The following CASK variants were observed in gnomAD, a reference collection of about 807,000 sequenced individuals.
CASK encodes peripheral plasma membrane protein CASK.
A neutral mutation model predicts 82.9 loss-of-function variants in CASK; 4 were observed. The ratio of observed to expected loss-of-function variants is 0.05; its 90% confidence interval spans 0.02 to 0.11. The LOEUF is 0.11. Ranked by LOEUF, CASK falls within the 10% of genes least tolerant of loss-of-function variation. The probability of loss-of-function intolerance (pLI) is 1.00; values close to 1 mark genes in which losing one functional copy is unlikely to be tolerated. For synonymous variants in CASK, 259 were observed against 253.5 expected (o/e 1.02, Z -0.20); for missense variants, 358 against 720.9 (o/e 0.50, Z 5.76).
At chrX:41,690,410 G>C (rs2067524090) in intron 5 of CASK, among the ~76,000 whole-genome samples, 1 of 110,342 alleles carries the variant, frequency 9.1e-6, no homozygotes, top group African/African-American at 3.3e-5. Context: ...ACAGTGGCAT[G>C]AACACAGCTC....
At chrX:41,539,135 C>T (rs1324018174) in intron 22 of CASK, among the ~76,000 whole-genome samples, 1 of 112,005 alleles carries the variant, frequency 8.9e-6, no homozygotes, top group African/African-American at 3.2e-5. Flanking sequence ...GTTAGAGGGA[C>T]AAAATTTACT....
intron 1 of CASK, among the ~76,000 whole-genome samples, chrX:41,893,356 C>T (rs2072211054): frequency 8.9e-6 from 1 of 112,264 alleles, no homozygotes; most frequent in Non-Finnish European, 1.9e-5. Context: ...TCATTAGAAA[C>T]AATCACAGCT....
chrX:41,916,384 CAT>C lies in CASK; in HGVS notation c.59+6544_59+6545del, dbSNP rs775723287. 9.8e-5 allele frequency among the ~76,000 whole-genome samples: 11 copies of C among 111,731 alleles called. No homozygotes were observed. The East Asian group carries it at 3.1e-3, about 31-fold the overall frequency. The stretch of plus-strand genomic sequence containing the variant: ...CTGACTTGGGCTCTACAACCAATAC[CAT>C]AGTGGCTCCAGGACAGAAAGGAAGG... On this transcript the variant is annotated intron_variant, in intron 1 of 26. Coordinates refer to ENST00000378163, the MANE Select transcript of CASK (RefSeq NM_001367721.1).
chrX:41,658,221 T>C (rs1178342846), intron 8 of CASK, among the ~76,000 whole-genome samples: 1 of 111,758 alleles, frequency 8.9e-6, no homozygotes, highest in Non-Finnish European at 1.9e-5. Context: ...TAAACATAAG[T>C]AAATGTTTCC....
chrX:41,659,725 G>A (rs1331307690), intron 8 of CASK, among the ~76,000 whole-genome samples: 3 of 111,496 alleles, frequency 2.7e-5, no homozygotes, highest in Admixed American at 9.5e-5. Flanking sequence ...TTGGCTGGGC[G>A]CAGTGGCTCA....
At chrX:41,896,890 C>T (rs1290015692) in intron 1 of CASK, among the ~76,000 whole-genome samples, 1 of 111,982 alleles carries the variant, frequency 8.9e-6, no homozygotes, top group Non-Finnish European at 1.9e-5. Context: ...TTTATTCATT[C>T]TATCTAACTA....
intron 1 of CASK, among the ~76,000 whole-genome samples, chrX:41,891,644 G>A (rs184144312): frequency 3.2e-3 from 352 of 110,758 alleles, no homozygotes; most frequent in African/African-American, 0.01. Flanking sequence ...CAATCATATC[G>A]AACAAAGAGG....
intron 12 of CASK, among the ~76,000 whole-genome samples, chrX:41,597,923 G>A (rs900119300): frequency 9.0e-6 from 1 of 110,752 alleles, no homozygotes; most frequent in African/African-American, 3.3e-5. Context: ...CAGACTGCTT[G>A]AGGCTAGGTG....
intron 25 of CASK, among the ~76,000 whole-genome samples, chrX:41,528,062 G>A (rs186974201): frequency 8.9e-6 from 1 of 112,240 alleles, no homozygotes; most frequent in Admixed American, 9.4e-5. Context: ...AGGAAGTGGG[G>A]ATTTACTGTA....
chrX:41,640,636 C>A (rs1224981288), intron 8 of CASK, among the ~76,000 whole-genome samples: 3 of 111,868 alleles, frequency 2.7e-5, no homozygotes, highest in Non-Finnish European at 5.6e-5. Flanking sequence ...AACATCTTTT[C>A]CTGTGCTTAT....
At chrX:41,782,684 G>C (rs1469420079) in intron 3 of CASK, among the ~76,000 whole-genome samples, 1 of 111,770 alleles carries the variant, frequency 8.9e-6, no homozygotes, top group African/African-American at 3.3e-5. Context: ...ATTAGTAAAA[G>C]TGACAGAGCT....
At chrX:41,910,086 G>A (rs1569481536) in intron 1 of CASK, among the ~76,000 whole-genome samples, 1 of 111,134 alleles carries the variant, frequency 9.0e-6, no homozygotes, top group Non-Finnish European at 1.9e-5. Flanking sequence ...GCCGGGCGTG[G>A]TGGTGCACAT....
At chrX:41,714,744 T>A (rs977988545) in intron 5 of CASK, among the ~76,000 whole-genome samples, 14 of 112,068 alleles carry the variant, frequency 1.2e-4, no homozygotes, top group African/African-American at 4.6e-4. Flanking sequence ...TTAACCCCTA[T>A]GACTGAAGGA....
Position 41,516,136 on chromosome X carries a change from T to C in CASK, c.*4284A>G, listed in dbSNP as rs1050327894. 1.2e-4 allele frequency: 14 copies of C among 112,722 alleles called. No homozygotes were observed. Among genetic ancestry groups the C allele is most frequent in the Admixed American group, 3.7e-4 (4 of 10,673 alleles). The allele number at this position is 112,722 out of a possible 1,213,427, so 9.3% of individuals were successfully genotyped here. A position where few individuals can be genotyped will look rare whatever the true frequency, so the allele number is the denominator to read the frequency against. Reference sequence around the variant, plus strand: ...TTTCTACTTCTGTTTCTGTGGGCTCTGTCTGCCCACCTGCTGCACAAAGCA... The same window carrying C: ...TTTCTACTTCTGTTTCTGTGGGCTCCGTCTGCCCACCTGCTGCACAAAGCA... On this transcript the variant is annotated 3_prime_UTR_variant, in exon 27 of 27. Transcript: ENST00000378163.
At chrX:41,583,450 T>C (rs1268043802) in intron 14 of CASK, among the ~76,000 whole-genome samples, 1 of 111,271 alleles carries the variant, frequency 9.0e-6, no homozygotes, top group Non-Finnish European at 1.9e-5. Flanking sequence ...TTTTTTATTT[T>C]TTTTTTGAGA....
At chrX:41,758,621 A>G (rs2068940783) in intron 3 of CASK, among the ~76,000 whole-genome samples, 1 of 110,546 alleles carries the variant, frequency 9.0e-6, no homozygotes, top group Non-Finnish European at 1.9e-5. Context: ...GCACCAGGAA[A>G]TGTGTCAACA....
intron 2 of CASK, among the ~76,000 whole-genome samples, chrX:41,793,094 C>T (rs1478629159): frequency 8.9e-6 from 1 of 112,207 alleles, no homozygotes; most frequent in Non-Finnish European, 1.9e-5. Context: ...TAACCCAAAT[C>T]CATCATTTAA....
intron 1 of CASK, among the ~76,000 whole-genome samples, chrX:41,912,907 A>G (rs2072608528): frequency 9.3e-6 from 1 of 107,656 alleles, no homozygotes; most frequent in Non-Finnish European, 1.9e-5. Flanking sequence ...AATTTCTTCA[A>G]TTTTCCCTAC....
intron 2 of CASK, among the ~76,000 whole-genome samples, chrX:41,803,194 A>G (rs555047752): frequency 9.0e-6 from 1 of 111,696 alleles, no homozygotes; most frequent in East Asian, 2.8e-4. Flanking sequence ...ACCAAGAAAA[A>G]CAATGAATGT....
Sources: allele counts gnomAD v4.1 joint callset (sites outside exome capture counted in the v4.1 genomes callset), GRCh38; gene constraint gnomAD v4.1.1; transcripts MANE v1.5; gene names NCBI Gene and HGNC (gene_info 2026-07-23, HGNC 2026-07-21).